The following FBXL7 variants were observed in gnomAD, a reference collection of about 807,000 sequenced individuals.
FBXL7 encodes the protein F-box/LRR-repeat protein 7.
In FBXL7, 12 loss-of-function variants were observed where a neutral mutation model predicts 38.3. The ratio of observed to expected loss-of-function variants is 0.31; its 90% CI spans 0.20 to 0.51. The LOEUF (loss-of-function observed/expected upper bound fraction) is 0.51, where lower values mean the gene tolerates loss of function less well. FBXL7 is among the 20% of genes least tolerant of loss of function. FBXL7 has a pLI of 0.98. For missense variants in FBXL7, 567 were observed against 676.4 expected (o/e 0.84, Z 1.79); for synonymous variants, 297 against 300.9 (o/e 0.99, Z 0.13).
intron 2 of FBXL7, among the ~76,000 whole-genome samples, chr5:15,758,732 G>T (rs1186494046): frequency 6.6e-6 from 1 of 151,874 alleles, no homozygotes; most frequent in Non-Finnish European, 1.5e-5. Context: ...GGTGTTTAAG[G>T]GATTGTCTCT....
At chr5:15,926,536 G>A (rs1423611549) in intron 2 of FBXL7, among the ~76,000 whole-genome samples, 1 of 151,248 alleles carries the variant, frequency 6.6e-6, no homozygotes, top group Non-Finnish European at 1.5e-5. Context: ...TGTATTTAGA[G>A]AGAAAGACTA....
intron 1 of FBXL7, among the ~76,000 whole-genome samples, chr5:15,511,714 A>G (rs1254965398): frequency 6.6e-6 from 1 of 152,222 alleles, no homozygotes; most frequent in Non-Finnish European, 1.5e-5. Flanking sequence ...AGGGGCATCT[A>G]TCATTATCAT....
intron 2 of FBXL7, among the ~76,000 whole-genome samples, chr5:15,675,897 G>A (rs13165774): frequency 0.17 from 26,368 of 152,126 alleles, 2,378 homozygotes; most frequent in Non-Finnish European, 0.19. Context: ...GAAATTGGCC[G>A]CTACAATGAA....
intron 2 of FBXL7, among the ~76,000 whole-genome samples, chr5:15,780,323 A>G (rs973508197): frequency 2.2e-4 from 33 of 152,064 alleles, no homozygotes; most frequent in African/African-American, 7.5e-4. Flanking sequence ...TAGCACCCAG[A>G]AAAAAGAAAA....
At position 15,587,595 on chromosome 5, in the gene FBXL7, A is replaced by G. The variant is rs369980034; in HGVS notation, c.38-28388A>G. On this transcript the variant is annotated intron_variant, in intron 1 of 3. Coordinates refer to ENST00000504595, the MANE Select transcript of FBXL7 (RefSeq NM_012304.5). The stretch of plus-strand genomic sequence containing the variant: ...GACAGAGTATGTGTAGTTATCGTTC[A>G]AGAGTCCTGTGAGTTATGTATGAGT... Among the ~76,000 whole-genome samples the G allele has an allele frequency of 3.8e-4, 58 of 152,286 alleles. 2 individuals are homozygous for G. In the East Asian group the frequency reaches 9.1e-3, roughly 24 times the overall value.
intron 2 of FBXL7, among the ~76,000 whole-genome samples, chr5:15,683,834 G>A (rs1381297392): frequency 1.3e-5 from 2 of 152,224 alleles, no homozygotes; most frequent in South Asian, 2.1e-4. Context: ...TGGGAAATGG[G>A]AAGTAGAAGT....
chr5:15,673,097 C>T lies in FBXL7; in HGVS notation c.127+57025C>T, dbSNP rs557107904. 6.0e-4 allele frequency among the ~76,000 whole-genome samples: 92 copies of T among 152,174 alleles called. 1 individual carries two copies. The South Asian group carries it at 0.018, about 30-fold the overall frequency. On this transcript the variant is annotated intron_variant, in intron 2 of 3. Transcript: ENST00000504595. ...ATCCCAGGCCGAGGAAGGCTAATCA[C>T]CTGAGGTCAGGAGTTTGAGACCAGC...
At chr5:15,677,630 G>T (rs1357535278) in intron 2 of FBXL7, among the ~76,000 whole-genome samples, 1 of 151,486 alleles carries the variant, frequency 6.6e-6, no homozygotes, top group East Asian at 1.9e-4. Flanking sequence ...AGCACTAACT[G>T]TAATTTCTCA....
intron 2 of FBXL7, among the ~76,000 whole-genome samples, chr5:15,858,852 C>T (rs1253782758): frequency 2.6e-5 from 4 of 151,868 alleles, no homozygotes; most frequent in South Asian, 2.1e-4. Flanking sequence ...CAGTGACCAC[C>T]GGAAATGTAG....
intron 2 of FBXL7, among the ~76,000 whole-genome samples, chr5:15,640,169 T>A (rs949134829): frequency 1.3e-5 from 2 of 152,142 alleles, no homozygotes; most frequent in Admixed American, 6.5e-5. Context: ...TAGCAACTTA[T>A]TGTTTTGTGG....
intron 2 of FBXL7, among the ~76,000 whole-genome samples, chr5:15,807,683 C>CTTT (rs34248054): frequency 2.0e-5 from 3 of 148,506 alleles, no homozygotes; most frequent in Non-Finnish European, 4.5e-5. Context: ...TTTTTCTTTT[C>CTTT]TTTTTTTTTT....
intron 1 of FBXL7, among the ~76,000 whole-genome samples, chr5:15,518,677 T>C (rs1203771082): frequency 1.3e-5 from 2 of 152,130 alleles, no homozygotes; most frequent in Non-Finnish European, 2.9e-5. Flanking sequence ...GGGTGCCACA[T>C]TGGCTCCTGC....
intron 2 of FBXL7, among the ~76,000 whole-genome samples, chr5:15,670,776 G>A (rs1742440823): frequency 6.6e-6 from 1 of 151,684 alleles, no homozygotes. Context: ...ACTTCAGCCT[G>A]GGTGACAGAG....
chr5:15,553,728 A>T (rs952970626), intron 1 of FBXL7, among the ~76,000 whole-genome samples: 2 of 152,232 alleles, frequency 1.3e-5, no homozygotes, highest in African/African-American at 4.8e-5. Context: ...AAGGAAAAAA[A>T]AAGGTACACA....
chr5:15,902,798 AG>A (rs1741261167), intron 2 of FBXL7, among the ~76,000 whole-genome samples: 1 of 152,248 alleles, frequency 6.6e-6, no homozygotes. Context: ...TGTCATTGTC[AG>A]TCCTTCGGGG....
At chr5:15,557,079 A>G (rs370158210) in intron 1 of FBXL7, among the ~76,000 whole-genome samples, 3 of 152,328 alleles carry the variant, frequency 2.0e-5, no homozygotes, top group Admixed American at 6.5e-5. Context: ...CTGGGACTAC[A>G]GGTGTCCACC....
At chr5:15,645,268 C>G (rs543826547) in intron 2 of FBXL7, among the ~76,000 whole-genome samples, 13 of 152,244 alleles carry the variant, frequency 8.5e-5, no homozygotes, top group African/African-American at 2.9e-4. Context: ...AAAGGTCAAG[C>G]TGGGAACTGC....
chr5:15,618,418 T>G (rs1319380631), intron 2 of FBXL7, among the ~76,000 whole-genome samples: 5 of 152,050 alleles, frequency 3.3e-5, no homozygotes, highest in Admixed American at 3.3e-4. Context: ...TTTGCTGTAG[T>G]TTTTTTAATC....
intron 1 of FBXL7, chr5:15,580,681 G>C: frequency 2.0e-6 from 2 of 985,380 alleles, no homozygotes; most frequent in African/African-American, 3.5e-5. Context: ...TAACCTCTGG[G>C]TCCGGGAGTG....
Sources: gnomAD v4.1 joint callset for allele counts (sites outside exome capture counted in the v4.1 genomes callset) on GRCh38, gnomAD v4.1.1 for gene constraint, MANE v1.5 for transcripts, NCBI Gene and HGNC (gene_info 2026-07-23, HGNC 2026-07-21) for gene names.